Variants in LIN28B observed in about 807,000 individuals in gnomAD.
The protein encoded by LIN28B is protein lin-28 homolog B.
In LIN28B, 5 loss-of-function variants were observed where a neutral mutation model predicts 21.9. The observed-to-expected ratio is 0.23, with a 90% CI of 0.12 to 0.48. The LOEUF (loss-of-function observed/expected upper bound fraction) is 0.48, where lower values mean the gene tolerates loss of function less well. Among genes scored for constraint, LIN28B ranks in the 20% least tolerant of loss-of-function variants. The pLI is 0.98. For missense variants in LIN28B, 245 were observed against 310.5 expected, an observed-to-expected ratio of 0.79 and a Z score of 1.58; for synonymous variants, 109 against 111.3, an observed-to-expected ratio of 0.98 and a Z score of 0.13.
intron 3 of LIN28B, among the ~76,000 whole-genome samples, chr6:105,030,046 T>C (rs564770809): frequency 2.0e-5 from 3 of 152,300 alleles, no homozygotes; most frequent in African/African-American, 4.8e-5. Context: ...GTGTGTCTTA[T>C]TGTAATTAAA....
rs543122757 is a variant in LIN28B at position 105,010,665 on chromosome 6, A to G, written c.199-15633A>G. 3.9e-5 allele frequency among the ~76,000 whole-genome samples: 6 copies of G among 152,324 alleles called. No individual in the cohort carries two copies. In the East Asian group the frequency reaches 1.2e-3, roughly 29 times the overall value. On this transcript the variant is annotated intron_variant, in intron 2 of 3. Coordinates refer to ENST00000345080, the MANE Select transcript of LIN28B (RefSeq NM_001004317.4). ...TTCAAAAGAAGCTGCAGACATCAAT[A>G]TAATCTCTAAATTTTCCAGCATGCA...
rs142239107 is a variant in LIN28B at position 105,060,997 on chromosome 6, A to T, written c.384-17417A>T. On this transcript the variant is annotated intron_variant, in intron 3 of 3. Transcript: ENST00000345080. The stretch of plus-strand genomic sequence containing the variant: ...ACTCTAGAAAGGTACTGAGAACAAG[A>T]TAGGAAAATTATATCAGTAAGGTAG... 6.7e-3 allele frequency among the ~76,000 whole-genome samples: 1,017 copies of T among 152,324 alleles called. 6 individuals are homozygous for T. Among genetic ancestry groups the T allele is most frequent in the Non-Finnish European group, 0.011 (766 of 68,020 alleles).
At chr6:105,076,363 G>A (rs1394300802) in intron 3 of LIN28B, among the ~76,000 whole-genome samples, 1 of 152,082 alleles carries the variant, frequency 6.6e-6, no homozygotes, top group Non-Finnish European at 1.5e-5. Context: ...AACTGGAGAA[G>A]CAGGCAATAG....
chr6:105,058,516 G>T (rs890373519), intron 3 of LIN28B, among the ~76,000 whole-genome samples: 2 of 152,152 alleles, frequency 1.3e-5, no homozygotes, highest in African/African-American at 4.8e-5. Context: ...GTGTTCTGTA[G>T]ATGTCTCCAG....
At chr6:105,077,401 T>G (rs1015149579) in intron 3 of LIN28B, among the ~76,000 whole-genome samples, 3 of 152,204 alleles carry the variant, frequency 2.0e-5, no homozygotes, top group Non-Finnish European at 4.4e-5. Context: ...ATATAAATTT[T>G]TCTTAGTTTC....
intron 3 of LIN28B, among the ~76,000 whole-genome samples, chr6:105,052,607 C>T (rs1157095543): frequency 6.6e-6 from 1 of 152,106 alleles, no homozygotes; most frequent in African/African-American, 2.4e-5. Flanking sequence ...CATTGAAGAT[C>T]AATTTTCTTA....
chr6:104,953,106 C>G (rs1191029634), upstream of LIN28B, among the ~76,000 whole-genome samples: 1 of 152,226 alleles, frequency 6.6e-6, no homozygotes, highest in Non-Finnish European at 1.5e-5. Context: ...GTTTGCCCGA[C>G]GGGCGGGTCG....
Position 105,026,315 on chromosome 6 carries a change from A to G in LIN28B, c.216A>G (p.Glu72=). 3 of 1,602,864 alleles carry G rather than the reference A, an allele frequency of 1.9e-6. No individual in the cohort carries two copies. In the South Asian group the frequency reaches 3.4e-5, roughly 18 times the overall value. ...CTTTACAGAGCAAACTATTCATGGA[A>G]GGATTTAGAAGCCTAAAAGAAGGAG... ...VFVHQSKLFM[E]GFRSLKEGEP... The change falls in exon 3 of 4, where the codon GAA becomes GAG. Residue 72 remains glutamate, a synonymous_variant. Coordinates refer to ENST00000345080, the MANE Select transcript of LIN28B (RefSeq NM_001004317.4).
intron 2 of LIN28B, among the ~76,000 whole-genome samples, chr6:104,991,609 G>A (rs181126740): frequency 6.6e-6 from 1 of 152,172 alleles, no homozygotes; most frequent in African/African-American, 2.4e-5. Context: ...CCCAGATGGG[G>A]TGGTGGCCGG....
At chr6:105,036,819 C>A (rs901030573) in intron 3 of LIN28B, among the ~76,000 whole-genome samples, 3 of 152,144 alleles carry the variant, frequency 2.0e-5, no homozygotes, top group African/African-American at 7.2e-5. Flanking sequence ...ACTTAGCTTT[C>A]TTGCTTTAGA....
chr6:105,077,075 C>G (rs1436771538), intron 3 of LIN28B, among the ~76,000 whole-genome samples: 1 of 151,718 alleles, frequency 6.6e-6, no homozygotes, highest in African/African-American at 2.4e-5. Flanking sequence ...ACCAAAAATA[C>G]AAAAATTAGC....
At chr6:105,013,702 C>T (rs1207602711) in intron 2 of LIN28B, among the ~76,000 whole-genome samples, 2 of 147,734 alleles carry the variant, frequency 1.4e-5, no homozygotes, top group Non-Finnish European at 3.0e-5. Context: ...CAGCCTGGGC[C>T]ATAGCAGTGA....
intron 2 of LIN28B, among the ~76,000 whole-genome samples, chr6:104,972,252 G>C (rs529530141): frequency 1.3e-5 from 2 of 152,230 alleles, no homozygotes; most frequent in Admixed American, 1.3e-4. Flanking sequence ...GATTACAGGT[G>C]TGAGCCACCT....
chr6:105,023,212 T>G (rs1347377027), intron 2 of LIN28B, among the ~76,000 whole-genome samples: 1 of 95,294 alleles, frequency 1.0e-5, no homozygotes, highest in Non-Finnish European at 1.9e-5. Context: ...TTCTTATGGA[T>G]ATATATATAT....
intron 1 of LIN28B, among the ~76,000 whole-genome samples, chr6:104,957,575 C>T (rs148958028): frequency 8.5e-4 from 129 of 152,222 alleles, no homozygotes; most frequent in Admixed American, 1.6e-3. Flanking sequence ...CTGCCCCCTC[C>T]CCCATTCCAC....
intron 2 of LIN28B, among the ~76,000 whole-genome samples, chr6:105,010,674 A>G (rs1157899464): frequency 6.6e-6 from 1 of 152,206 alleles, no homozygotes; most frequent in Non-Finnish European, 1.5e-5. Flanking sequence ...TATAATCTCT[A>G]AATTTTCCAG....
chr6:104,983,020 C>T (rs1034904141), intron 2 of LIN28B, among the ~76,000 whole-genome samples: 1 of 152,066 alleles, frequency 6.6e-6, no homozygotes, highest in Non-Finnish European at 1.5e-5. Flanking sequence ...GTTTCCCAGG[C>T]TGGTTTTGAA....
chr6:105,045,272 G>C (rs1363410077), intron 3 of LIN28B, among the ~76,000 whole-genome samples: 1 of 144,068 alleles, frequency 6.9e-6, no homozygotes, highest in Non-Finnish European at 1.5e-5. Flanking sequence ...TCATAAATTT[G>C]TATGTCATTC....
intron 2 of LIN28B, among the ~76,000 whole-genome samples, chr6:105,022,452 A>G (rs1004934457): frequency 6.6e-6 from 1 of 152,228 alleles, no homozygotes; most frequent in African/African-American, 2.4e-5. Context: ...GTAAAGAAAT[A>G]TAATTGGACA....
Sources: allele counts gnomAD v4.1 joint callset (sites outside exome capture counted in the v4.1 genomes callset), GRCh38; gene constraint gnomAD v4.1.1; transcripts MANE v1.5; gene names NCBI Gene and HGNC (gene_info 2026-07-23, HGNC 2026-07-21).